Variants in KIAA1328 observed in about 807,000 individuals in gnomAD.
KIAA1328 encodes protein hinderin.
Under a neutral mutation model 68.1 loss-of-function variants are expected in KIAA1328, and 52 were observed. The ratio of observed to expected loss-of-function variants is 0.76; its 90% CI spans 0.61 to 0.96. The LOEUF (loss-of-function observed/expected upper bound fraction) is 0.96, where lower values mean the gene tolerates loss of function less well. Ranked by LOEUF, KIAA1328 falls within the 40% of genes least tolerant of loss-of-function variation. The pLI is 0.00. For synonymous variants in KIAA1328, 232 were observed against 239.4 expected, an observed-to-expected ratio of 0.97 and a Z score of 0.28; for missense variants, 641 against 677.6, an observed-to-expected ratio of 0.95 and a Z score of 0.60.
At chr18:37,219,597 A>G (rs1015908538) in intron 9 of KIAA1328, among the ~76,000 whole-genome samples, 2 of 152,118 alleles carry the variant, frequency 1.3e-5, no homozygotes, top group African/African-American at 2.4e-5. Context: ...CTGCACTAAC[A>G]GTGAGCAAGC....
intron 9 of KIAA1328, among the ~76,000 whole-genome samples, chr18:37,178,203 T>A (rs1422739462): frequency 6.6e-6 from 1 of 152,034 alleles, no homozygotes; most frequent in Non-Finnish European, 1.5e-5. Flanking sequence ...TCTCCCCATG[T>A]CCCCACCTCC....
chr18:37,126,283 T>C (rs2058388554), intron 7 of KIAA1328, among the ~76,000 whole-genome samples: 1 of 152,176 alleles, frequency 6.6e-6, no homozygotes, highest in Non-Finnish European at 1.5e-5. Flanking sequence ...GTCCTAAACA[T>C]TTCACATAAG....
intron 8 of KIAA1328, 23 bp from the exon 9 acceptor site, chr18:37,172,950 T>C: frequency 1.3e-6 from 2 of 1,556,678 alleles, no homozygotes; most frequent in Non-Finnish European, 1.8e-6. Flanking sequence ...ATGCCCAAAT[T>C]ATTTTCTTTA....
intron 6 of KIAA1328, among the ~76,000 whole-genome samples, chr18:37,016,442 A>G (rs549342951): frequency 3.9e-5 from 6 of 151,980 alleles, no homozygotes; most frequent in Admixed American, 1.3e-4. Flanking sequence ...TTTATTTTTC[A>G]TTGTATCTGT....
chr18:37,174,906 C>G (rs1305697137), intron 9 of KIAA1328, among the ~76,000 whole-genome samples: 1 of 152,156 alleles, frequency 6.6e-6, no homozygotes, highest in Non-Finnish European at 1.5e-5. Flanking sequence ...CTCTTGCCCT[C>G]ATGATCCGCC....
chr18:37,159,791 A>T (rs2154211307), intron 7 of KIAA1328, among the ~76,000 whole-genome samples: 1 of 152,162 alleles, frequency 6.6e-6, no homozygotes, highest in Non-Finnish European at 1.5e-5. Context: ...AGAAACACAA[A>T]CGCGTTTGTG....
At chr18:36,980,039 C>T (rs1293512044) in intron 6 of KIAA1328, among the ~76,000 whole-genome samples, 4 of 152,092 alleles carry the variant, frequency 2.6e-5, no homozygotes, top group African/African-American at 7.2e-5. Context: ...TGCCTTCTGC[C>T]ATGTGATGAC....
intron 5 of KIAA1328, among the ~76,000 whole-genome samples, chr18:36,913,411 T>A (rs926177273): frequency 6.6e-6 from 1 of 151,098 alleles, no homozygotes; most frequent in Non-Finnish European, 1.5e-5. Flanking sequence ...ATGTTGGGGA[T>A]TCATTTTTTT....
At chr18:36,895,920 A>G in intron 5 of KIAA1328, 1 of 374,864 alleles carries the variant, frequency 2.7e-6, no homozygotes, top group South Asian at 2.1e-5. Context: ...CCTGAAAGCC[A>G]AGAGAGCCCT....
chr18:37,092,918 C>T (rs1004748865), intron 7 of KIAA1328, among the ~76,000 whole-genome samples: 1 of 152,158 alleles, frequency 6.6e-6, no homozygotes, highest in African/African-American at 2.4e-5. Flanking sequence ...ACTCTCAGTG[C>T]CTGAATAAAT....
intron 7 of KIAA1328, among the ~76,000 whole-genome samples, chr18:37,150,606 C>T (rs1399699282): frequency 6.7e-6 from 1 of 149,958 alleles, no homozygotes; most frequent in African/African-American, 2.4e-5. Flanking sequence ...AAATCCTTAA[C>T]AAAATATCAG....
intron 5 of KIAA1328, 33 bp downstream of exon 5, chr18:36,885,705 C>A: frequency 3.0e-6 from 4 of 1,332,466 alleles, no homozygotes; most frequent in African/African-American, 1.5e-5. Context: ...TTTTAACGTT[C>A]AAGAAGTTTG....
chr18:37,061,392 A>G (rs544649464), intron 6 of KIAA1328, among the ~76,000 whole-genome samples: 10 of 152,182 alleles, frequency 6.6e-5, no homozygotes, highest in Non-Finnish European at 1.5e-4. Context: ...ATGTTCTATA[A>G]CTTGATCTAG....
At chr18:36,969,472 C>T (rs1466533437) in intron 6 of KIAA1328, among the ~76,000 whole-genome samples, 1 of 152,124 alleles carries the variant, frequency 6.6e-6, no homozygotes, top group Non-Finnish European at 1.5e-5. Context: ...ACTGACCCCA[C>T]AGAAATGCAA....
chr18:36,958,180 C>G (rs552257339), intron 5 of KIAA1328, among the ~76,000 whole-genome samples: 1 of 152,170 alleles, frequency 6.6e-6, no homozygotes, highest in East Asian at 1.9e-4. Flanking sequence ...TATAAATATT[C>G]CACATTTTGT....
At position 37,067,183 on chromosome 18, in the gene KIAA1328, G is replaced by A. The variant is rs530142922; in HGVS notation, c.870G>A (p.Leu290=). 37 of 1,613,958 alleles carry A rather than the reference G, an allele frequency of 2.3e-5. No individual in the cohort carries two copies. In the South Asian group the frequency reaches 3.7e-4, roughly 16 times the overall value. ...VPTEKMPQEE[L]HMKECPHLKP... is the part of the protein sequence containing the mutation. ...CAGAGAAAATGCCACAAGAAGAATT[G>A]CACATGAAGGAATGTCCACATCTTA... Residue 290 remains leucine, a synonymous_variant, in exon 7 of 10, where the codon TTG becomes TTA. Coordinates refer to ENST00000280020, the MANE Select transcript of KIAA1328 (RefSeq NM_020776.3).
At position 37,067,313 on chromosome 18, in the gene KIAA1328, T is replaced by G; in HGVS notation, c.1000T>G (p.Ser334Ala). The stretch of plus-strand genomic sequence containing the variant: ...TCAACATCCTAAGACACATCCAGAA[T>G]CATGCAGTTATTGTCGGCTTTCTTG... ...TPQHPKTHPE[S>A]CSYCRLSWAS... is the part of the protein sequence containing the mutation. The change falls in exon 7 of 10, where the codon TCA becomes GCA. Residue 334 changes from serine to alanine, a missense_variant. Coordinates refer to ENST00000280020, the MANE Select transcript of KIAA1328 (RefSeq NM_020776.3). 1.2e-6 allele frequency: 2 copies of G among 1,613,974 alleles called. No homozygotes were observed. Among genetic ancestry groups the G allele is most frequent in the South Asian group, 1.1e-5 (1 of 91,084 alleles).
intron 6 of KIAA1328, among the ~76,000 whole-genome samples, chr18:37,065,144 A>C (rs561065729): frequency 6.7e-4 from 102 of 152,330 alleles, no homozygotes; most frequent in Non-Finnish European, 1.3e-3. Flanking sequence ...TATGGATAGA[A>C]GATTAAGAAT....
At chr18:36,928,262 T>C (rs1297391436) in intron 5 of KIAA1328, among the ~76,000 whole-genome samples, 1 of 152,158 alleles carries the variant, frequency 6.6e-6, no homozygotes, top group Admixed American at 6.5e-5. Flanking sequence ...GATAAAGGTC[T>C]TGACCCCTTT....
Sources: allele counts gnomAD v4.1 joint callset (sites outside exome capture counted in the v4.1 genomes callset), GRCh38; gene constraint gnomAD v4.1.1; transcripts MANE v1.5; gene names NCBI Gene and HGNC (gene_info 2026-07-23, HGNC 2026-07-21).